The following LYPLAL1 variants were observed in gnomAD, a reference collection of about 807,000 sequenced individuals.
LYPLAL1 encodes the protein lysophospholipase like 1.
In LYPLAL1, 23 loss-of-function variants were observed where a neutral mutation model predicts 19.7. The observed-to-expected ratio is 1.17, with a 90% confidence interval of 0.84 to 1.65. The LOEUF is 1.65. LYPLAL1 is among the 40% of genes most tolerant of loss of function. LYPLAL1 has a pLI of 0.00. For synonymous variants in LYPLAL1, 119 were observed against 96.3 expected (o/e 1.24, Z -1.38); for missense variants, 355 against 279.4 (o/e 1.27, Z -1.93).
intron 2 of LYPLAL1, among the ~76,000 whole-genome samples, chr1:219,190,136 G>T (rs1168784392): frequency 1.3e-5 from 2 of 151,482 alleles, no homozygotes; most frequent in Non-Finnish European, 3.0e-5. Flanking sequence ...ACAAGACATA[G>T]AAAATTATTT....
chr1:219,408,412 A>C, the LYPLAL1 span, among the ~76,000 whole-genome samples: 1 of 152,106 alleles, frequency 6.6e-6, no homozygotes, highest in Non-Finnish European at 1.5e-5. Flanking sequence ...GGAAGTGGCT[A>C]TGCATGGGAG....
At chr1:219,366,221 AT>A in the LYPLAL1 span, among the ~76,000 whole-genome samples, 1 of 152,202 alleles carries the variant, frequency 6.6e-6, no homozygotes, top group African/African-American at 2.4e-5. Context: ...TACAAAAATA[AT>A]TGCAAATGAT....
chr1:219,205,381 A>G (rs1360197734), intron 3 of LYPLAL1, among the ~76,000 whole-genome samples: 2 of 148,456 alleles, frequency 1.3e-5, no homozygotes, highest in Non-Finnish European at 1.5e-5. Context: ...AAAAAAAACA[A>G]AAAAAACAAA....
the LYPLAL1 span, among the ~76,000 whole-genome samples, chr1:219,218,849 A>T: frequency 2.0e-5 from 3 of 152,168 alleles, no homozygotes; most frequent in Non-Finnish European, 2.9e-5. Context: ...AAGTACCAGA[A>T]TGAGGCCAAC....
chr1:219,257,719 G>A, the LYPLAL1 span, among the ~76,000 whole-genome samples: 2 of 152,112 alleles, frequency 1.3e-5, no homozygotes, highest in African/African-American at 4.8e-5. Context: ...TTACTGATGA[G>A]GGTCTGTGTT....
the LYPLAL1 span, among the ~76,000 whole-genome samples, chr1:219,323,484 G>T: frequency 1.3e-5 from 2 of 152,160 alleles, no homozygotes; most frequent in Non-Finnish European, 2.9e-5. Flanking sequence ...GCCCCACAAG[G>T]TTGTTGATTG....
chr1:219,178,495 T>A (rs1344332511), intron 1 of LYPLAL1, among the ~76,000 whole-genome samples: 2 of 152,210 alleles, frequency 1.3e-5, no homozygotes, highest in Admixed American at 1.3e-4. Flanking sequence ...CTTAATTTCC[T>A]CCTCAGGACT....
At chr1:219,265,552 A>G in the LYPLAL1 span, among the ~76,000 whole-genome samples, 3 of 152,196 alleles carry the variant, frequency 2.0e-5, no homozygotes, top group Non-Finnish European at 4.4e-5. Context: ...AAGTTCTACT[A>G]TAGAATTATA....
chr1:219,210,397 TAGAGTA>T, intron 3 of LYPLAL1, 129 bp from the exon 4 acceptor site: 1 of 567,790 alleles, frequency 1.8e-6, no homozygotes, highest in Non-Finnish European at 2.9e-6. Context: ...CTGTGAAACT[TAGAGTA>T]GACGAAATTT....
chr1:219,253,743 G>C, the LYPLAL1 span, among the ~76,000 whole-genome samples: 1 of 152,018 alleles, frequency 6.6e-6, no homozygotes, highest in Non-Finnish European at 1.5e-5. Flanking sequence ...TGAGAAGAAT[G>C]TATATTCTGT....
At chr1:219,197,129 A>G (rs545716610) in intron 3 of LYPLAL1, among the ~76,000 whole-genome samples, 35 of 152,264 alleles carry the variant, frequency 2.3e-4, no homozygotes, top group African/African-American at 7.7e-4. Context: ...ATTAGAAAAA[A>G]CTACTTTAAA....
At chr1:219,246,466 A>G in the LYPLAL1 span, among the ~76,000 whole-genome samples, 1 of 152,176 alleles carries the variant, frequency 6.6e-6, no homozygotes, top group African/African-American at 2.4e-5. Context: ...GAAAAAAGAT[A>G]TTATTTACTG....
At chr1:219,229,294 TGAGAGAGAGAGAGAGAGAGAGAGAGA>T in the LYPLAL1 span, among the ~76,000 whole-genome samples, 3 of 132,928 alleles carry the variant, frequency 2.3e-5, no homozygotes, top group Non-Finnish European at 3.1e-5. Flanking sequence ...ACAAGCATTT[TGAGAGAGAGAGAGAGAGAGAGAGAGA>T]GAGAGAGAGA....
intron 2 of LYPLAL1, among the ~76,000 whole-genome samples, chr1:219,181,465 A>T (rs1005721655): frequency 2.6e-5 from 4 of 152,234 alleles, no homozygotes; most frequent in Non-Finnish European, 5.9e-5. Flanking sequence ...ACTTATTAGT[A>T]GCAAAACATA....
intron 2 of LYPLAL1, among the ~76,000 whole-genome samples, chr1:219,181,674 C>T (rs1186367379): frequency 4.6e-5 from 7 of 151,994 alleles, no homozygotes; most frequent in Middle Eastern, 3.2e-3. Context: ...CTTCCATGGG[C>T]GTTAGATATA....
chr1:219,174,043 C>T (rs1655595488), intron 1 of LYPLAL1, 62 bp downstream of exon 1: 3 of 1,601,160 alleles, frequency 1.9e-6, no homozygotes, highest in Admixed American at 3.4e-5. Context: ...CCTCGGTTAC[C>T]CCAGTATTGC....
intron 3 of LYPLAL1, among the ~76,000 whole-genome samples, chr1:219,199,372 C>G (rs1290262242): frequency 2.6e-5 from 4 of 151,654 alleles, no homozygotes; most frequent in Non-Finnish European, 4.4e-5. Context: ...TATAACACTT[C>G]TTTTTAAAAT....
At chr1:219,324,687 A>G in the LYPLAL1 span, among the ~76,000 whole-genome samples, 4 of 152,130 alleles carry the variant, frequency 2.6e-5, no homozygotes, top group Non-Finnish European at 5.9e-5. Context: ...GGTGAGTGAA[A>G]TACAGGATGA....
the LYPLAL1 span, among the ~76,000 whole-genome samples, chr1:219,393,173 G>A: frequency 1.7e-4 from 26 of 152,178 alleles, no homozygotes; most frequent in Admixed American, 3.3e-4. Context: ...CTTTGGTTTT[G>A]AGCCTCTGGA....
Sources: allele counts gnomAD v4.1 joint callset (sites outside exome capture counted in the v4.1 genomes callset), GRCh38; gene constraint gnomAD v4.1.1; transcripts MANE v1.5; gene names NCBI Gene and HGNC (gene_info 2026-07-23, HGNC 2026-07-21).